Variants in FLII observed in about 807,000 individuals in gnomAD.
The protein encoded by FLII is FLII actin remodeling protein.
Under a neutral mutation model 156.2 loss-of-function variants are expected in FLII, and 101 were observed. The observed-to-expected ratio is 0.65, with a 90% confidence interval of 0.55 to 0.76. The LOEUF (loss-of-function observed/expected upper bound fraction) is 0.76, where lower values mean the gene tolerates loss of function less well. FLII is among the 30% of genes least tolerant of loss of function. FLII has a pLI of 0.00. For synonymous variants in FLII, 767 were observed against 685.8 expected (o/e 1.12, Z -1.85); for missense variants, 1,675 against 1,682.8 (o/e 1.00, Z 0.08).
In FLII at chr17:18,248,617, C is replaced by T; in HGVS notation, c.2123G>A (p.Gly708Glu). The change falls in exon 18 of 30, where the codon GGG becomes GAG. Residue 708 changes from glycine to glutamate, a missense_variant. Transcript: ENST00000327031. Reference sequence around the variant, plus strand: ...GTGCTTCTTGATCTCAGAGGGCTCCCCACCCAGTGCCTCCCAGAACTCTGG... The same window carrying T: ...GTGCTTCTTGATCTCAGAGGGCTCCTCACCCAGTGCCTCCCAGAACTCTGG... ...ELPEFWEALG[G>E]EPSEIKKHVP... The T allele has an allele frequency of 1.9e-6, 3 of 1,613,866 alleles. No individual in the cohort carries two copies. The highest frequency in any genetic ancestry group is 1.3e-5 in the African/African-American group (1 of 75,058).
At chr17:18,248,756 AC>A (rs775605764) in intron 17 of FLII, 35 bp from the exon 18 acceptor site, 1 of 1,613,994 alleles carries the variant, frequency 6.2e-7, no homozygotes, top group Admixed American at 1.7e-5. Flanking sequence ...AGCGAGGCTC[AC>A]ACCCCTTTCC....
rs192669703 is a variant in FLII at position 18,253,925 on chromosome 17, G to A, written c.679+154C>T. ...TTTCTAGGCATAAAGTCAGTGTTAA[G>A]GCATCATCATAATCGCAAAAGTCAC... On this transcript the variant is annotated intron_variant, in intron 7 of 29. Transcript: ENST00000327031. 1.6e-4 allele frequency: 118 copies of A among 743,976 alleles called. No individual in the cohort carries two copies. The East Asian group carries it at 2.1e-3, about 13-fold the overall frequency. The allele number at this position is 743,976 out of a possible 1,614,324, so 46.1% of individuals were successfully genotyped here.
chr17:18,250,120 A>G (rs552817562), intron 14 of FLII, among the ~76,000 whole-genome samples: 7 of 152,354 alleles, frequency 4.6e-5, no homozygotes, highest in African/African-American at 1.2e-4. Context: ...GAGTCTGTCT[A>G]AAATAAAACA....
In FLII at chr17:18,254,679, G is replaced by A. The variant is rs750003376; in HGVS notation, c.417C>T (p.Ile139=). The change falls in exon 6 of 30, where the codon ATC becomes ATT. Residue 139 remains isoleucine, a synonymous_variant. Transcript: ENST00000327031. ...MLVLNLSHNS[I]DTIPNQLFIN... ...TGAAGAGCTGGTTGGGGATGGTGTC[G>A]ATGCTACGGGTGGGGAGCAGGAGCC... is the stretch of plus-strand genomic sequence containing the variant. The A allele has an allele frequency of 2.7e-5, 43 of 1,613,790 alleles. No homozygotes were observed. Among genetic ancestry groups the A allele is most frequent in the Middle Eastern group, 3.3e-4 (2 of 6,058 alleles).
intron 16 of FLII, 41 bp from the exon 17 acceptor site, chr17:18,248,924 G>T (rs762906425): frequency 9.0e-6 from 14 of 1,550,976 alleles, no homozygotes; most frequent in Non-Finnish European, 1.2e-5. Context: ...ATGGTGCATG[G>T]GGCAATGGTC....
intron 21 of FLII, 51 bp from the exon 22 acceptor site, chr17:18,247,103 A>G (rs1280339004): frequency 6.3e-7 from 1 of 1,577,386 alleles, no homozygotes; most frequent in Non-Finnish European, 8.6e-7. Flanking sequence ...CGCTCTGCGC[A>G]TAGGCCCCGC....
chr17:18,250,169 T>C (rs1164023045), intron 14 of FLII, among the ~76,000 whole-genome samples: 2 of 151,978 alleles, frequency 1.3e-5, no homozygotes, highest in Non-Finnish European at 2.9e-5. Context: ...CGTCGGGGTG[T>C]TGGGATGTAT....
At chr17:18,256,285 G>GT (rs1443432001) in intron 3 of FLII, among the ~76,000 whole-genome samples, 1 of 152,244 alleles carries the variant, frequency 6.6e-6, no homozygotes, top group Non-Finnish European at 1.5e-5. Context: ...ATAACGGCTG[G>GT]TAAGATTTTG....
At chr17:18,253,010 C>G (rs902110196) in intron 9 of FLII, among the ~76,000 whole-genome samples, 2 of 152,146 alleles carry the variant, frequency 1.3e-5, no homozygotes, top group African/African-American at 4.8e-5. Flanking sequence ...AAGAGCCGGG[C>G]GTGGTAGCGC....
Position 18,254,800 on chromosome 17 carries a change from T to C in FLII, c.382A>G (p.Asn128Asp). 6.2e-7 allele frequency: 1 copy of C among 1,614,138 alleles called. No homozygotes were observed. Residue 128 changes from asparagine to aspartate, a missense_variant, in exon 5 of 30, where the codon AAC (asparagine) becomes GAC (aspartate). Around this residue, in one of 2 missense-constraint regions of FLII, gnomAD observed 343 missense variants for 413.5 expected, o/e 0.83. Transcript: ENST00000327031. ...TGGCTGAGGTTCAGCACCAGCATGTTCTTGGCGTTCTCCAGCTCCCGCGGG... is the reference window on the plus strand; with the variant it reads ...TGGCTGAGGTTCAGCACCAGCATGTCCTTGGCGTTCTCCAGCTCCCGCGGG... ...ECPRELENAK[N>D]MLVLNLSHNS...
intron 2 of FLII, 116 bp from the exon 3 acceptor site, chr17:18,256,713 C>T (rs751912770): frequency 6.4e-6 from 6 of 943,658 alleles, no homozygotes; most frequent in African/African-American, 3.3e-5. Context: ...GCCCAACTAC[C>T]CCTGCAGCTT....
Position 18,251,721 on chromosome 17 carries a change from C to A in FLII, c.1342G>T (p.Gly448Cys). 2 of 1,614,064 alleles carry A rather than the reference C, an allele frequency of 1.2e-6. No homozygotes were observed. Among genetic ancestry groups the A allele is most frequent in the Non-Finnish European group, 1.7e-6 (2 of 1,180,030 alleles). ...QDDQAKQVLKGMSDVAQEKNK... is the reference protein window; with the variant it reads ...QDDQAKQVLKCMSDVAQEKNK... ...TTCTCCTGGGCAACATCTGACATGC[C>A]CTTCAGCACCTGCTTGGCCTGGTCA... Residue 448 changes from glycine to cysteine, a missense_variant, in exon 12 of 30, where the codon GGC (glycine) becomes TGC (cysteine). Transcript: ENST00000327031.
intron 4 of FLII, 109 bp from the exon 5 acceptor site, chr17:18,254,963 G>A (rs145421657): frequency 5.4e-6 from 6 of 1,107,886 alleles, no homozygotes; most frequent in East Asian, 2.4e-5. Flanking sequence ...GTAGATGAGG[G>A]GGCTTCAGGG....
At position 18,254,650 on chromosome 17, in the gene FLII, T is replaced by G. The variant is rs775340844; in HGVS notation, c.446A>C (p.Asn149Thr). The change falls in exon 6 of 30, where the codon AAC becomes ACC. Residue 149 changes from asparagine (N) to threonine (T), a missense_variant. Physicochemically the swap from Asn to Thr is moderately conservative, Grantham distance 65. Coordinates refer to ENST00000327031, the MANE Select transcript of FLII (RefSeq NM_002018.4). ...GTCCAGGTATAGTAGGTCAGTGAGG[T>G]TGATGAAGAGCTGGTTGGGGATGGT... ...IDTIPNQLFI[N>T]LTDLLYLDLS... 5 of 1,613,810 alleles carry G rather than the reference T, an allele frequency of 3.1e-6. No homozygotes were observed. Among genetic ancestry groups the G allele is most frequent in the Non-Finnish European group, 4.2e-6 (5 of 1,179,898 alleles).
Position 18,254,649 on chromosome 17 carries a change from G to A in FLII, c.447C>T (p.Asn149=), listed in dbSNP as rs2048364905. The change falls in exon 6 of 30, where the codon AAC becomes AAT. Residue 149 remains asparagine (N), a synonymous_variant. Transcript: ENST00000327031. ...IDTIPNQLFI[N]LTDLLYLDLS... The stretch of plus-strand genomic sequence containing the variant: ...GGTCCAGGTATAGTAGGTCAGTGAG[G>A]TTGATGAAGAGCTGGTTGGGGATGG... 6.2e-7 allele frequency: 1 copy of A among 1,614,068 alleles called. No homozygotes were observed. Among genetic ancestry groups the A allele is most frequent in the Non-Finnish European group, 8.5e-7 (1 of 1,179,976 alleles).
In FLII at chr17:18,256,900, C is replaced by T; in HGVS notation, c.174+9G>A. The T allele has an allele frequency of 6.3e-7, 1 of 1,590,614 alleles. No homozygotes were observed. Among genetic ancestry groups the T allele is most frequent in the South Asian group, 1.1e-5 (1 of 88,150 alleles). ...AGGGACCCTCCCCTGCCCGCCCAAACCCCCTTACCAGCTTCTGCAGGGCGG... is the reference window on the plus strand; with the variant it reads ...AGGGACCCTCCCCTGCCCGCCCAAATCCCCTTACCAGCTTCTGCAGGGCGG... On this transcript the variant is annotated intron_variant, in intron 2 of 29. Transcript: ENST00000327031.
chr17:18,251,804 G>A lies in FLII; in HGVS notation c.1259C>T (p.Pro420Leu). The change falls in exon 12 of 30, where the codon CCC becomes CTC. Residue 420 changes from proline (P) to leucine (L), a missense_variant. Pro to Leu is a moderately conservative substitution (Grantham distance 98, BLOSUM62 -3). This residue lies in a region of FLII where 1,332 missense variants were observed against 1,269.3 expected (regional missense o/e 1.05). Coordinates refer to ENST00000327031, the MANE Select transcript of FLII (RefSeq NM_002018.4). ...VAAAAAAGSG[P>L]KDPMARKMRL... ...CATCTTGCGAGCCATAGGGTCCTTG[G>A]GCCCACTCCCTGCTTAGGGGAGGGG... 1 of 1,613,762 alleles carries A rather than the reference G, an allele frequency of 6.2e-7. No individual in the cohort carries two copies. The highest frequency in any genetic ancestry group is 8.5e-7 in the Non-Finnish European group (1 of 1,180,014).
At chr17:18,254,402 G>A in intron 6 of FLII, 119 bp downstream of exon 6, 1 of 1,048,814 alleles carries the variant, frequency 9.5e-7, no homozygotes, top group Non-Finnish European at 1.4e-6. Flanking sequence ...GAGGGGTGCT[G>A]CCTGCACGGA....
intron 10 of FLII, 129 bp downstream of exon 10, chr17:18,252,343 C>T: frequency 2.1e-6 from 2 of 938,250 alleles, no homozygotes; most frequent in South Asian, 1.5e-5. Context: ...GGAGGTGGGG[C>T]CCACCTTCTC....
Sources: allele counts gnomAD v4.1 joint callset (sites outside exome capture counted in the v4.1 genomes callset), GRCh38; gene constraint gnomAD v4.1.1; regional missense constraint gnomAD v4.1.1; transcripts MANE v1.5; gene names NCBI Gene and HGNC (gene_info 2026-07-23, HGNC 2026-07-21).